SMIM14: variants seen among roughly 807,000 people sequenced by gnomAD.
SMIM14 encodes the protein small integral membrane protein 14, also known as chromosome 4 open reading frame 34.
In SMIM14, 5 loss-of-function variants were observed where a neutral mutation model predicts 12.6. The observed-to-expected ratio is 0.40, with a 90% CI of 0.21 to 0.83. The LOEUF is 0.83. Among genes scored for constraint, SMIM14 ranks in the 40% least tolerant of loss-of-function variants. The probability of loss-of-function intolerance (pLI) is 0.37; values close to 1 mark genes in which losing one functional copy is unlikely to be tolerated. For synonymous variants in SMIM14, 30 were observed against 40.1 expected (o/e 0.75, Z 0.95); for missense variants, 86 against 119.1 (o/e 0.72, Z 1.29).
At position 39,610,957 on chromosome 4, in the gene SMIM14, C is replaced by T. The variant is rs559916297; in HGVS notation, c.-35-5777G>A. On this transcript the variant is annotated intron_variant, in intron 1 of 4. Coordinates refer to ENST00000295958, the MANE Select transcript of SMIM14 (RefSeq NM_174921.3). Reference sequence around the variant, plus strand: ...AGGAAAGGACCAATAATTTTAACAACCAAAACCAATAAAAGTTTCTATAAA... The same window carrying T: ...AGGAAAGGACCAATAATTTTAACAATCAAAACCAATAAAAGTTTCTATAAA... Among the ~76,000 whole-genome samples, 13 of 152,026 alleles carry T rather than the reference C, an allele frequency of 8.6e-5. No individual in the cohort carries two copies. In the South Asian group the frequency reaches 2.5e-3, roughly 29 times the overall value.
At chr4:39,582,122 C>T (rs1317207306) in intron 2 of SMIM14, among the ~76,000 whole-genome samples, 1 of 150,302 alleles carries the variant, frequency 6.7e-6, no homozygotes, top group African/African-American at 2.4e-5. Context: ...CTGCCCGCCT[C>T]GGCCTCCCAA....
At chr4:39,580,448 G>T (rs1713438916) in intron 2 of SMIM14, among the ~76,000 whole-genome samples, 1 of 152,042 alleles carries the variant, frequency 6.6e-6, no homozygotes, top group Admixed American at 6.6e-5. Flanking sequence ...CCAAAGTGCT[G>T]GGATTACAGG....
chr4:39,598,864 C>G (rs1342328123), intron 2 of SMIM14, among the ~76,000 whole-genome samples: 1 of 152,062 alleles, frequency 6.6e-6, no homozygotes, highest in Non-Finnish European at 1.5e-5. Flanking sequence ...CACCGCCCCC[C>G]TGCAACTAAG....
intron 3 of SMIM14, among the ~76,000 whole-genome samples, chr4:39,568,035 T>TG (rs1245811201): frequency 3.3e-4 from 51 of 152,276 alleles, no homozygotes; most frequent in African/African-American, 1.2e-3. Flanking sequence ...CCCAGCACTT[T>TG]GGGAGGCGGA....
intron 2 of SMIM14, among the ~76,000 whole-genome samples, chr4:39,602,618 C>T (rs1394206745): frequency 3.3e-5 from 5 of 152,000 alleles, no homozygotes; most frequent in African/African-American, 4.8e-5. Flanking sequence ...CAAAAACGAT[C>T]GGCTCTTTGC....
At chr4:39,634,179 G>A (rs963285084) in intron 1 of SMIM14, among the ~76,000 whole-genome samples, 23 of 152,118 alleles carry the variant, frequency 1.5e-4, no homozygotes, top group African/African-American at 4.8e-4. Context: ...CACCGGCCTC[G>A]GCTTCCCAAA....
chr4:39,586,691 C>T (rs1405547874), intron 2 of SMIM14, among the ~76,000 whole-genome samples: 1 of 152,068 alleles, frequency 6.6e-6, no homozygotes, highest in Non-Finnish European at 1.5e-5. Flanking sequence ...AGCCTATATC[C>T]ATTACACAGT....
intron 2 of SMIM14, among the ~76,000 whole-genome samples, chr4:39,582,208 C>T (rs1314448862): frequency 6.6e-6 from 1 of 152,108 alleles, no homozygotes; most frequent in Non-Finnish European, 1.5e-5. Context: ...ATAACCAACA[C>T]ACTGGAAGAA....
intron 1 of SMIM14, among the ~76,000 whole-genome samples, chr4:39,606,639 CAAAAAAA>C (rs71192881): frequency 4.0e-5 from 5 of 126,052 alleles, no homozygotes; most frequent in Admixed American, 8.1e-5. Context: ...GACTCCGTCT[CAAAAAAA>C]AAAAAAAAAA....
At chr4:39,562,007 C>CTTAA in intron 3 of SMIM14, among the ~76,000 whole-genome samples, 1 of 143,192 alleles carries the variant, frequency 7.0e-6, no homozygotes, top group Non-Finnish European at 1.5e-5. Flanking sequence ...CTCGTAGTTC[C>CTTAA]CTTAACTATC....
chr4:39,616,921 A>T (rs1029493454), intron 1 of SMIM14, among the ~76,000 whole-genome samples: 6 of 152,124 alleles, frequency 3.9e-5, no homozygotes, highest in Admixed American at 3.3e-4. Flanking sequence ...AATTCCTGTG[A>T]TTAAGGTTTT....
chr4:39,608,123 G>T (rs186379022), intron 1 of SMIM14, among the ~76,000 whole-genome samples: 1 of 152,296 alleles, frequency 6.6e-6, no homozygotes, highest in African/African-American at 2.4e-5. Context: ...GTTAAACACA[G>T]ATTATCATAA....
chr4:39,622,373 C>T (rs201788614), intron 1 of SMIM14, among the ~76,000 whole-genome samples: 6 of 151,542 alleles, frequency 4.0e-5, no homozygotes, highest in East Asian at 3.9e-4. Flanking sequence ...TGAGCCACCG[C>T]GCCCGGCCAC....
intron 1 of SMIM14, among the ~76,000 whole-genome samples, chr4:39,612,301 T>G (rs745937243): frequency 6.6e-6 from 1 of 152,158 alleles, no homozygotes; most frequent in Non-Finnish European, 1.5e-5. Flanking sequence ...GTTACCCCAG[T>G]TGGAGTGCAA....
chr4:39,631,901 G>A (rs1453872980), intron 1 of SMIM14, among the ~76,000 whole-genome samples: 1 of 150,932 alleles, frequency 6.6e-6, no homozygotes, highest in African/African-American at 2.4e-5. Flanking sequence ...ACACATCTGT[G>A]CTTTGGCCTA....
chr4:39,554,331 G>A lies in SMIM14; in HGVS notation c.267+2097C>T, dbSNP rs566609315. ...CTACTAAAAATACAAAAATTAGCCA[G>A]GTGTGGTGACACACATCTGTAATGC... On this transcript the variant is annotated intron_variant, in intron 4 of 4. Coordinates refer to ENST00000295958, the MANE Select transcript of SMIM14 (RefSeq NM_174921.3). 2.5e-4 allele frequency among the ~76,000 whole-genome samples: 38 copies of A among 152,318 alleles called. No individual in the cohort carries two copies. In the South Asian group the frequency reaches 7.7e-3, roughly 31 times the overall value.
chr4:39,620,517 T>C (rs749508828), intron 1 of SMIM14, among the ~76,000 whole-genome samples: 24 of 152,122 alleles, frequency 1.6e-4, no homozygotes, highest in Non-Finnish European at 2.9e-4. Flanking sequence ...ATTTTTTTTG[T>C]AGAGACAGAG....
At chr4:39,556,875 C>G (rs937562713) in intron 3 of SMIM14, among the ~76,000 whole-genome samples, 1 of 152,202 alleles carries the variant, frequency 6.6e-6, no homozygotes, top group Non-Finnish European at 1.5e-5. Context: ...ACAGCCTTAA[C>G]CTTCTATGTT....
intron 2 of SMIM14, among the ~76,000 whole-genome samples, chr4:39,583,255 A>AT (rs1713610744): frequency 6.6e-6 from 1 of 151,822 alleles, no homozygotes; most frequent in Non-Finnish European, 1.5e-5. Context: ...CACTGGGCTA[A>AT]TTTTTTATTT....
Sources: allele counts gnomAD v4.1 joint callset (sites outside exome capture counted in the v4.1 genomes callset), GRCh38; gene constraint gnomAD v4.1.1; transcripts MANE v1.5; gene names NCBI Gene and HGNC (gene_info 2026-07-23, HGNC 2026-07-21).